The following CEP83 variants were observed in gnomAD, a reference collection of about 807,000 sequenced individuals.
The protein encoded by CEP83 is centrosomal protein of 83 kDa.
Under a neutral mutation model 101.9 loss-of-function variants are expected in CEP83, and 70 were observed. That is an observed-to-expected ratio of 0.69 (90% CI 0.57 to 0.84). CEP83 has a LOEUF of 0.84. Ranked by LOEUF, CEP83 falls within the 40% of genes least tolerant of loss-of-function variation. The probability of loss-of-function intolerance (pLI) is 0.00; values close to 1 mark genes in which losing one functional copy is unlikely to be tolerated. For synonymous variants in CEP83, 264 were observed against 267.9 expected (o/e 0.99, Z 0.14); for missense variants, 715 against 787.2 (o/e 0.91, Z 1.10).
Position 94,310,093 on chromosome 12 carries a change from A to G in CEP83, c.1826T>C (p.Phe609Ser). 1 of 1,555,084 alleles carries G rather than the reference A, an allele frequency of 6.4e-7. No individual in the cohort carries two copies. The highest frequency in any genetic ancestry group is 2.2e-5 in the East Asian group (1 of 44,492). ...TTTTTGAAGCCTTGTATAGTCTTCA[A>G]AAGGAACATTTTGTCTTAAAAAGAA... Reference protein sequence around the residue: ...NQVLNRQNVPFEDYTRLQKRL... With the variant: ...NQVLNRQNVPSEDYTRLQKRL... Residue 609 changes from phenylalanine to serine, a missense_variant, in exon 16 of 17, where the codon TTT (phenylalanine) becomes TCT (serine). Phe to Ser is a radical substitution (Grantham distance 155). Coordinates refer to ENST00000397809, the MANE Select transcript of CEP83 (RefSeq NM_016122.3).
the CEP83 span, chr12:94,300,812 T>C: frequency 3.5e-6 from 4 of 1,146,290 alleles, no homozygotes; most frequent in Admixed American, 8.8e-5. Context: ...TATACTTCAA[T>C]AACAAGGACA....
At chr12:94,343,089 CTGTG>C (rs915698420) in intron 11 of CEP83, among the ~76,000 whole-genome samples, 10 of 151,044 alleles carry the variant, frequency 6.6e-5, no homozygotes, top group African/African-American at 2.2e-4. Context: ...GTATGTATGT[CTGTG>C]TGTGTATGTA....
intron 1 of CEP83, among the ~76,000 whole-genome samples, chr12:94,455,286 A>G (rs1192427667): frequency 6.6e-6 from 1 of 152,206 alleles, no homozygotes; most frequent in East Asian, 1.9e-4. Context: ...ATCACACTTG[A>G]GAGAGGCTGA....
intron 2 of CEP83, among the ~76,000 whole-genome samples, chr12:94,425,629 G>C (rs980046411): frequency 1.3e-5 from 2 of 152,054 alleles, no homozygotes; most frequent in Admixed American, 1.3e-4. Context: ...TTTAATTGTA[G>C]CCCTTCTAGG....
chr12:94,312,317 T>C (rs1451255367), intron 15 of CEP83, among the ~76,000 whole-genome samples: 1 of 152,168 alleles, frequency 6.6e-6, no homozygotes, highest in African/African-American at 2.4e-5. Context: ...CATGATATTA[T>C]AGGCAGTTTC....
chr12:94,334,415 A>T (rs1432670873), intron 12 of CEP83, among the ~76,000 whole-genome samples: 1 of 152,140 alleles, frequency 6.6e-6, no homozygotes, highest in Non-Finnish European at 1.5e-5. Flanking sequence ...AATTATATCC[A>T]AATCTCTTTA....
chr12:94,377,206 C>G (rs1305173489), intron 7 of CEP83, among the ~76,000 whole-genome samples: 1 of 152,170 alleles, frequency 6.6e-6, no homozygotes, highest in Non-Finnish European at 1.5e-5. Flanking sequence ...ACTAGCCTAA[C>G]TTAAGCATCC....
chr12:94,435,985 A>C (rs1008064728), intron 1 of CEP83, among the ~76,000 whole-genome samples: 1 of 151,974 alleles, frequency 6.6e-6, no homozygotes, highest in Non-Finnish European at 1.5e-5. Flanking sequence ...CGGTAATAAC[A>C]ATCACCTCAG....
At chr12:94,339,602 C>T (rs965423583) in intron 11 of CEP83, among the ~76,000 whole-genome samples, 1 of 152,138 alleles carries the variant, frequency 6.6e-6, no homozygotes, top group African/African-American at 2.4e-5. Context: ...TAATGTGAGT[C>T]CCTGCTATCA....
At chr12:94,335,097 T>C (rs180718956) in intron 12 of CEP83, among the ~76,000 whole-genome samples, 1 of 152,238 alleles carries the variant, frequency 6.6e-6, no homozygotes, top group African/African-American at 2.4e-5. Flanking sequence ...AGATCACTCT[T>C]CCATGTTTTA....
chr12:94,406,476 A>AGT (rs370002397), intron 4 of CEP83, among the ~76,000 whole-genome samples: 43 of 150,482 alleles, frequency 2.9e-4, no homozygotes, highest in East Asian at 3.9e-4. Context: ...AGTGAGAGTG[A>AGT]GTGTGTGTGT....
Position 94,442,012 on chromosome 12 carries a change from T to C in CEP83, c.-154-6685A>G, listed in dbSNP as rs146153581. On this transcript the variant is annotated intron_variant, in intron 1 of 16. Transcript: ENST00000397809. ...ACCCAGAGGAAAAGAAGTCATTATATGAAAAAGACACTTGAACATGCATGT... is the reference window on the plus strand; with the variant it reads ...ACCCAGAGGAAAAGAAGTCATTATACGAAAAAGACACTTGAACATGCATGT... Among the ~76,000 whole-genome samples, 60 of 151,382 alleles carry C rather than the reference T, an allele frequency of 4.0e-4. No homozygotes were observed. In the East Asian group the frequency reaches 0.011, roughly 27 times the overall value.
intron 2 of CEP83, among the ~76,000 whole-genome samples, chr12:94,434,710 G>A (rs2065872531): frequency 6.6e-6 from 1 of 152,226 alleles, no homozygotes; most frequent in African/African-American, 2.4e-5. Context: ...TACATAATGA[G>A]TATCTTGGGG....
At chr12:94,393,176 A>G (rs945447700) in intron 6 of CEP83, among the ~76,000 whole-genome samples, 6 of 152,258 alleles carry the variant, frequency 3.9e-5, no homozygotes, top group Non-Finnish European at 7.3e-5. Context: ...ACAACAAAAA[A>G]GAGAATTTTA....
intron 11 of CEP83, among the ~76,000 whole-genome samples, chr12:94,362,791 T>G (rs1246816095): frequency 6.6e-6 from 1 of 152,236 alleles, no homozygotes; most frequent in East Asian, 1.9e-4. Flanking sequence ...TCAACCTACG[T>G]GCCCATCAAC....
At chr12:94,333,789 A>G in intron 12 of CEP83, 150 bp from the exon 13 acceptor site, 1 of 632,216 alleles carries the variant, frequency 1.6e-6, no homozygotes, top group Non-Finnish European at 2.7e-6. Flanking sequence ...AATAACAAAT[A>G]GCAGCACCCA....
At position 94,363,651 on chromosome 12, in the gene CEP83, A is replaced by G. The variant is rs549120851; in HGVS notation, c.1343+4143T>C. Among the ~76,000 whole-genome samples, 6 of 152,230 alleles carry G rather than the reference A, an allele frequency of 3.9e-5. No individual in the cohort carries two copies. The South Asian group carries it at 1.2e-3, about 32-fold the overall frequency. ...GAACTGAAATATTATTAAGCCTTAG[A>G]AAGTAATGAACATTAGGGCAGGTGC... On this transcript the variant is annotated intron_variant, in intron 11 of 16. Transcript: ENST00000397809.
chr12:94,437,572 C>A (rs116905395), intron 1 of CEP83, among the ~76,000 whole-genome samples: 2,080 of 152,310 alleles, frequency 0.014, 23 homozygotes, highest in East Asian at 0.034. Flanking sequence ...GGAATTGGGT[C>A]CTATCTTCAG....
At chr12:94,362,184 T>C (rs1425659565) in intron 11 of CEP83, among the ~76,000 whole-genome samples, 1 of 152,166 alleles carries the variant, frequency 6.6e-6, no homozygotes, top group Non-Finnish European at 1.5e-5. Context: ...CAATGAGATT[T>C]CATCTCACCA....
Sources: allele counts gnomAD v4.1 joint callset (sites outside exome capture counted in the v4.1 genomes callset), GRCh38; gene constraint gnomAD v4.1.1; transcripts MANE v1.5; gene names NCBI Gene and HGNC (gene_info 2026-07-23, HGNC 2026-07-21).